Variants in SUDS3 observed in about 807,000 individuals in gnomAD.
The protein encoded by SUDS3 is SIN3A corepressor complex component SDS3.
SUDS3 carries 23 observed loss-of-function variants against 53.5 expected under a neutral mutation model. The ratio of observed to expected loss-of-function variants is 0.43; its 90% CI spans 0.31 to 0.61. The LOEUF (loss-of-function observed/expected upper bound fraction) is 0.61. Among genes scored for constraint, SUDS3 ranks in the 20% least tolerant of loss-of-function variants. The pLI, the probability that SUDS3 is intolerant of heterozygous loss-of-function variation, is 0.10. For synonymous variants in SUDS3, 150 were observed against 148.5 expected, an observed-to-expected ratio of 1.01 and a Z score of -0.08; for missense variants, 291 against 405.9, an observed-to-expected ratio of 0.72 and a Z score of 2.43.
intron 1 of SUDS3, among the ~76,000 whole-genome samples, chr12:118,379,949 T>A (rs150099633): frequency 6.6e-6 from 1 of 152,356 alleles, no homozygotes; most frequent in East Asian, 1.9e-4. Flanking sequence ...ACTCAAATTC[T>A]TTGCATTGGC....
rs555151987 is a variant in SUDS3 at position 118,387,800 on chromosome 12, C to T, written c.340+1615C>T. Among the ~76,000 whole-genome samples the T allele has an allele frequency of 1.2e-4, 18 of 152,286 alleles. No homozygotes were observed. The South Asian group carries it at 3.3e-3, about 28-fold the overall frequency. On this transcript the variant is annotated intron_variant, in intron 4 of 11. Transcript: ENST00000543473. ...TCCTGACCTCAGGTGATCCGCCCGG[C>T]TCGCCTTGGCCTCCCAAAGTGCTGG... is the stretch of plus-strand genomic sequence containing the variant.
chr12:118,394,168 T>G (rs990453208), intron 6 of SUDS3, among the ~76,000 whole-genome samples: 3 of 152,116 alleles, frequency 2.0e-5, no homozygotes, highest in African/African-American at 7.2e-5. Context: ...TGTCACAGAT[T>G]TAAATCTGAG....
intron 10 of SUDS3, among the ~76,000 whole-genome samples, chr12:118,410,509 A>G (rs1240728842): frequency 6.6e-6 from 1 of 152,048 alleles, no homozygotes; most frequent in African/African-American, 2.4e-5. Flanking sequence ...TATAAGCTTT[A>G]GATCCCAAAG....
intron 11 of SUDS3, among the ~76,000 whole-genome samples, chr12:118,412,718 C>A (rs563354585): frequency 5.3e-5 from 8 of 152,264 alleles, no homozygotes; most frequent in African/African-American, 1.9e-4. Flanking sequence ...CTCTATGATA[C>A]CTCAAGATTT....
intron 6 of SUDS3, among the ~76,000 whole-genome samples, chr12:118,399,767 A>G (rs2046247449): frequency 6.6e-6 from 1 of 152,154 alleles, no homozygotes; most frequent in South Asian, 2.1e-4. Flanking sequence ...GATGTCCCTG[A>G]GATACAGGAA....
At chr12:118,386,255 C>A in intron 4 of SUDS3, 70 bp downstream of exon 4, 1 of 1,232,830 alleles carries the variant, frequency 8.1e-7, no homozygotes, top group African/African-American at 1.5e-5. Flanking sequence ...CGGTGTAATG[C>A]AGCCCTAAGA....
intron 1 of SUDS3, among the ~76,000 whole-genome samples, chr12:118,377,236 A>C (rs573933267): frequency 2.6e-5 from 4 of 151,908 alleles, no homozygotes; most frequent in Non-Finnish European, 5.9e-5. Context: ...CCCGAAATGC[A>C]TAAGTCATCT....
At position 118,403,509 on chromosome 12, in the gene SUDS3, C is replaced by T. The variant is rs2046282730; in HGVS notation, c.795C>T (p.Asp265=). The change falls in exon 10 of 12, where the codon GAC becomes GAT. Residue 265 remains aspartate (D), a synonymous_variant. Transcript: ENST00000543473. The part of the protein sequence containing the change: ...ARIEDGKLYY[D]KRWYHKSQAI... ...TAGAAGATGGCAAACTGTACTATGA[C>T]AAAAGATGGTATGTTATGGGAAAAC... The T allele has an allele frequency of 1.2e-6, 2 of 1,612,298 alleles. No homozygotes were observed. Among genetic ancestry groups the T allele is most frequent in the African/African-American group, 1.3e-5 (1 of 74,882 alleles).
Position 118,380,515 on chromosome 12 carries a change from C to G in SUDS3, c.212+284C>G, listed in dbSNP as rs143241090. Among the ~76,000 whole-genome samples, 175 of 152,240 alleles carry G rather than the reference C, an allele frequency of 1.1e-3. 1 individual carries two copies. Among genetic ancestry groups the G allele is most frequent in the Non-Finnish European group, 2.0e-3 (137 of 68,024 alleles). ...TAAGGGATACTTAATCTGTAGTAAC[C>G]TTGTGTGTATGAGTTTGACCATAGC... is the stretch of plus-strand genomic sequence containing the variant. On this transcript the variant is annotated intron_variant, in intron 2 of 11. Coordinates refer to ENST00000543473, the MANE Select transcript of SUDS3 (RefSeq NM_022491.3).
At chr12:118,398,614 C>CTT (rs375288763) in intron 6 of SUDS3, among the ~76,000 whole-genome samples, 6,996 of 113,098 alleles carry the variant, frequency 0.062, 408 homozygotes, top group African/African-American at 0.085. Flanking sequence ...ATGCAGAAGC[C>CTT]TTTTTTTTTT....
intron 10 of SUDS3, among the ~76,000 whole-genome samples, chr12:118,405,277 A>T (rs923781007): frequency 1.3e-5 from 2 of 152,250 alleles, no homozygotes; most frequent in Non-Finnish European, 2.9e-5. Context: ...TCTTAAAGCC[A>T]TGTGATATTT....
chr12:118,387,578 G>A (rs1022711329), intron 4 of SUDS3, among the ~76,000 whole-genome samples: 56 of 151,080 alleles, frequency 3.7e-4, no homozygotes, highest in African/African-American at 1.3e-3. Context: ...TTGAGACAGA[G>A]TCTCACTCTG....
intron 1 of SUDS3, among the ~76,000 whole-genome samples, chr12:118,378,023 A>G (rs142145259): frequency 9.3e-4 from 142 of 152,338 alleles, no homozygotes; most frequent in African/African-American, 3.2e-3. Context: ...TTCCATCAGA[A>G]GACACGGCTT....
chr12:118,383,887 C>A, intron 2 of SUDS3, 125 bp from the exon 3 acceptor site: 1 of 791,468 alleles, frequency 1.3e-6, no homozygotes, highest in Non-Finnish European at 2.0e-6. Flanking sequence ...ACTTTACTTT[C>A]CTCTCTTCCC....
intron 3 of SUDS3, among the ~76,000 whole-genome samples, chr12:118,385,116 T>C (rs1431283309): frequency 6.6e-6 from 1 of 151,914 alleles, no homozygotes. Flanking sequence ...GCTTTTCTTT[T>C]TTTTTTTTTC....
chr12:118,389,492 G>A (rs914739300), intron 4 of SUDS3, among the ~76,000 whole-genome samples: 1 of 151,798 alleles, frequency 6.6e-6, no homozygotes, highest in Non-Finnish European at 1.5e-5. Flanking sequence ...AACTGCCACA[G>A]CTGATATGTT....
At chr12:118,410,974 A>G (rs1566211593) in intron 10 of SUDS3, 99 bp from the exon 11 acceptor site, 1 of 933,324 alleles carries the variant, frequency 1.1e-6, no homozygotes, top group Non-Finnish European at 1.7e-6. Context: ...AGACTTCTTT[A>G]ATTATAATTT....
At position 118,402,130 on chromosome 12, in the gene SUDS3, GTCA is replaced by G. The variant is rs576897721; in HGVS notation, c.697+131_697+133del. The G allele has an allele frequency of 9.6e-5, 105 of 1,098,850 alleles. 1 individual carries two copies. In the South Asian group the frequency reaches 1.4e-3, roughly 15 times the overall value. 68.1% of individuals were successfully genotyped at this position (1,098,850 alleles called of 1,614,324 possible). ...AATGTTCATCATTTGCCTAAGAGTA[GTCA>G]TCATGAAAACTGAAGGGGACCTTAA... On this transcript the variant is annotated intron_variant, in intron 9 of 11. Coordinates refer to ENST00000543473, the MANE Select transcript of SUDS3 (RefSeq NM_022491.3).
At chr12:118,393,852 G>A (rs1193212854) in intron 6 of SUDS3, among the ~76,000 whole-genome samples, 1 of 151,492 alleles carries the variant, frequency 6.6e-6, no homozygotes, top group Non-Finnish European at 1.5e-5. Flanking sequence ...TGTATTTTTA[G>A]TAGAGACAGG....
Sources: gnomAD v4.1 joint callset for allele counts (sites outside exome capture counted in the v4.1 genomes callset) on GRCh38, gnomAD v4.1.1 for gene constraint, MANE v1.5 for transcripts, NCBI Gene and HGNC (gene_info 2026-07-23, HGNC 2026-07-21) for gene names.